The following BARX2 variants were observed in gnomAD, a reference collection of about 807,000 sequenced individuals.
The protein encoded by BARX2 is homeobox protein BarH-like 2.
In BARX2, 11 loss-of-function variants were observed where a neutral mutation model predicts 25.5. That is an observed-to-expected ratio of 0.43 (90% CI 0.27 to 0.71). The LOEUF is 0.71. BARX2 is among the 30% of genes least tolerant of loss of function. BARX2 has a pLI of 0.19. For synonymous variants in BARX2, 137 were observed against 149.5 expected, an observed-to-expected ratio of 0.92 and a Z score of 0.61; for missense variants, 360 against 359.9, an observed-to-expected ratio of 1.00 and a Z score of 0.00.
intron 1 of BARX2, among the ~76,000 whole-genome samples, chr11:129,383,517 C>T (rs945453781): frequency 2.0e-5 from 3 of 152,144 alleles, no homozygotes; most frequent in Non-Finnish European, 4.4e-5. Context: ...AAATTGAATA[C>T]AGAGGGAGAG....
intron 1 of BARX2, among the ~76,000 whole-genome samples, chr11:129,412,553 A>G (rs936653095): frequency 6.6e-6 from 1 of 152,256 alleles, no homozygotes; most frequent in African/African-American, 2.4e-5. Flanking sequence ...GCTCAAAGGC[A>G]GTCTGCACTC....
At chr11:129,403,273 G>T (rs1199355142) in intron 1 of BARX2, among the ~76,000 whole-genome samples, 1 of 152,234 alleles carries the variant, frequency 6.6e-6, no homozygotes, top group Admixed American at 6.5e-5. Context: ...AATTGAAGTG[G>T]ATATATTAGG....
chr11:129,376,238 AGGGGATAAGT>A lies in BARX2; in HGVS notation c.187+21_187+30del. On this transcript the variant is annotated intron_variant, in intron 1 of 3. Transcript: ENST00000281437. The surrounding 1 kb of genome is among the most constrained non-coding windows in gnomAD (Gnocchi z 4.2). Reference sequence around the variant, plus strand: ...TCCTGTACGGGTAAGACGCTCCGCTAGGGGATAAGTGGGGTTCGGTAGCTTTCACGTCCGT... The same window carrying A: ...TCCTGTACGGGTAAGACGCTCCGCTAGGGGTTCGGTAGCTTTCACGTCCGT... The A allele has an allele frequency of 1.3e-6, 2 of 1,588,296 alleles. No homozygotes were observed. Among genetic ancestry groups the A allele is most frequent in the Non-Finnish European group, 1.7e-6 (2 of 1,167,134 alleles).
At chr11:129,428,398 ATT>A (rs1862091445) in intron 1 of BARX2, among the ~76,000 whole-genome samples, 1 of 152,224 alleles carries the variant, frequency 6.6e-6, no homozygotes, top group Non-Finnish European at 1.5e-5. Context: ...TAATGTATGC[ATT>A]AATTTATAAT....
At chr11:129,384,177 A>G (rs1036715904) in intron 1 of BARX2, among the ~76,000 whole-genome samples, 1 of 151,860 alleles carries the variant, frequency 6.6e-6, no homozygotes, top group African/African-American at 2.4e-5. Flanking sequence ...TATTTTCACA[A>G]TGTGCATAGA....
chr11:129,437,326 A>G, intron 2 of BARX2: 2 of 591,882 alleles, frequency 3.4e-6, no homozygotes, highest in Non-Finnish European at 2.4e-6. Context: ...AACAAGGTCC[A>G]GTTTAGCAAA....
intron 3 of BARX2, among the ~76,000 whole-genome samples, chr11:129,445,014 A>AAAAT (rs985690238): frequency 2.9e-5 from 4 of 136,962 alleles, no homozygotes; most frequent in South Asian, 2.1e-4. Flanking sequence ...AAATAAAAAT[A>AAAAT]AAATAAATAA....
At chr11:129,427,750 G>A (rs952245807) in intron 1 of BARX2, among the ~76,000 whole-genome samples, 12 of 152,142 alleles carry the variant, frequency 7.9e-5, no homozygotes, top group Admixed American at 3.3e-4. Flanking sequence ...CTGTAGCTGC[G>A]GGGACCTGGC....
intron 2 of BARX2, chr11:129,438,039 A>AC: frequency 6.6e-6 from 1 of 151,392 alleles, no homozygotes; most frequent in East Asian, 1.9e-4. Flanking sequence ...AAAAAAAAAA[A>AC]AATAGCCGGG....
intron 1 of BARX2, among the ~76,000 whole-genome samples, chr11:129,379,043 A>G (rs562491113): frequency 6.6e-6 from 1 of 152,270 alleles, no homozygotes; most frequent in Admixed American, 6.5e-5. Context: ...TGGAATCCTC[A>G]CCTTCCAAAA....
chr11:129,442,757 G>A (rs758377372), intron 2 of BARX2, 78 bp from the exon 3 acceptor site: 2 of 1,289,282 alleles, frequency 1.6e-6, no homozygotes, highest in Non-Finnish European at 2.3e-6. Context: ...GAGCCTGTCT[G>A]GAGCCTGCCA....
At chr11:129,392,336 C>T (rs1289862844) in intron 1 of BARX2, among the ~76,000 whole-genome samples, 1 of 152,192 alleles carries the variant, frequency 6.6e-6, no homozygotes, top group African/African-American at 2.4e-5. Flanking sequence ...GGCTGAAGAA[C>T]CCTTGAGATC....
At chr11:129,420,331 G>C (rs566833221) in intron 1 of BARX2, among the ~76,000 whole-genome samples, 1 of 152,156 alleles carries the variant, frequency 6.6e-6, no homozygotes, top group Non-Finnish European at 1.5e-5. Context: ...ATAAGAACCC[G>C]AGGCCATGCA....
intron 3 of BARX2, among the ~76,000 whole-genome samples, chr11:129,446,080 A>G (rs1862324656): frequency 1.3e-5 from 2 of 152,158 alleles, no homozygotes; most frequent in Admixed American, 6.5e-5. Flanking sequence ...TTGGTAACCT[A>G]TAGCGGGTTG....
At chr11:129,442,652 A>G (rs1388985518) in intron 2 of BARX2, 183 bp from the exon 3 acceptor site, 3 of 656,282 alleles carry the variant, frequency 4.6e-6, no homozygotes, top group Admixed American at 4.3e-5. Context: ...TCAGCTTCCC[A>G]GAGTTTCCTC....
chr11:129,399,462 A>G (rs1861754785), intron 1 of BARX2, among the ~76,000 whole-genome samples: 2 of 152,136 alleles, frequency 1.3e-5, no homozygotes, highest in South Asian at 2.1e-4. Flanking sequence ...CTGTGGCCCA[A>G]GCAATCCTCC....
intron 1 of BARX2, among the ~76,000 whole-genome samples, chr11:129,399,291 C>T (rs537745392): frequency 1.3e-5 from 2 of 152,256 alleles, no homozygotes; most frequent in Non-Finnish European, 2.9e-5. Context: ...GATGACAAGT[C>T]GTCTGGAATG....
Position 129,436,777 on chromosome 11 carries a change from C to T in BARX2, c.214C>T (p.Leu72Phe). The T allele has an allele frequency of 6.2e-7, 1 of 1,603,930 alleles. No homozygotes were observed. Residue 72 changes from leucine to phenylalanine, a missense_variant, in exon 2 of 4, where the codon CTC becomes TTC. Leu to Phe is a conservative substitution (Grantham distance 22). Around this residue, in one of 3 missense-constraint regions of BARX2, gnomAD observed 240 missense variants for 228.7 expected, o/e 1.05. Coordinates refer to ENST00000281437, the MANE Select transcript of BARX2 (RefSeq NM_003658.5). The surrounding 1 kb of genome is among the most constrained non-coding windows in gnomAD (Gnocchi z 4.5). ...CTCCCCTTCCCTGCGGGCATATCCG[C>T]TCCTCTCGGTGATCACCCGCCAGCC... ...TGSPSLRAYP[L>F]LSVITRQPTV... is the part of the protein sequence containing the mutation.
At chr11:129,394,440 C>T (rs1467505860) in intron 1 of BARX2, among the ~76,000 whole-genome samples, 1 of 152,104 alleles carries the variant, frequency 6.6e-6, no homozygotes, top group African/African-American at 2.4e-5. Flanking sequence ...AATATCTGCG[C>T]CTTGAACAAA....
Sources: allele counts gnomAD v4.1 joint callset (sites outside exome capture counted in the v4.1 genomes callset), GRCh38; gene constraint gnomAD v4.1.1; regional missense constraint gnomAD v4.1.1; non-coding constraint Gnocchi (gnomAD v3.1); transcripts MANE v1.5; gene names NCBI Gene and HGNC (gene_info 2026-07-23, HGNC 2026-07-21).